The following ASIC2 variants were observed in gnomAD, a reference collection of about 807,000 sequenced individuals.
The protein encoded by ASIC2 is acid sensing ion channel subunit 2.
A neutral mutation model predicts 57.3 loss-of-function variants in ASIC2; 25 were observed. The ratio of observed to expected loss-of-function variants is 0.44; its 90% confidence interval spans 0.32 to 0.61. The LOEUF (loss-of-function observed/expected upper bound fraction) is 0.61. Among genes scored for constraint, ASIC2 ranks in the 20% least tolerant of loss-of-function variants. The pLI, the probability that ASIC2 is intolerant of heterozygous loss-of-function variation, is 0.06. For missense variants in ASIC2, 641 were observed against 738.1 expected, an observed-to-expected ratio of 0.87 and a Z score of 1.52; for synonymous variants, 319 against 307.5, an observed-to-expected ratio of 1.04 and a Z score of -0.39.
intron 1 of ASIC2, chr17:33,688,819 A>T (rs1012142419): frequency 1.3e-5 from 2 of 152,182 alleles, no homozygotes; most frequent in African/African-American, 2.4e-5. Context: ...GAGATTCTGG[A>T]AGTCCCTCTG....
In ASIC2 at chr17:33,193,770, G is replaced by A. The variant is rs190647139; in HGVS notation, c.709-81703C>T. On this transcript the variant is annotated intron_variant, in intron 1 of 9. Coordinates refer to ENST00000225823, the MANE Select transcript of ASIC2 (RefSeq NM_183377.2). Reference sequence around the variant, plus strand: ...AATTCCGACAAGCTCCAGGGTGGTCGCTGATGTTACTGATCTAGGACCACA... The same window carrying A: ...AATTCCGACAAGCTCCAGGGTGGTCACTGATGTTACTGATCTAGGACCACA... Among the ~76,000 whole-genome samples, 529 of 152,240 alleles carry A rather than the reference G, an allele frequency of 3.5e-3. 5 individuals carry two copies. The highest frequency in any genetic ancestry group is 0.012 in the African/African-American group (495 of 41,544).
chr17:34,076,009 TA>T (rs200538697), intron 1 of ASIC2, among the ~76,000 whole-genome samples: 147 of 151,266 alleles, frequency 9.7e-4, no homozygotes, highest in African/African-American at 3.4e-3. Context: ...TTTTTATTTT[TA>T]TTTTTTTTTT....
Position 33,475,548 on chromosome 17 carries a change from T to A in ASIC2, c.556-363481A>T, listed in dbSNP as rs535496922. Among the ~76,000 whole-genome samples the A allele has an allele frequency of 2.7e-4, 41 of 152,254 alleles. 1 individual carries two copies. Among genetic ancestry groups the A allele is most frequent in the Admixed American group, 6.5e-4 (10 of 15,286 alleles). On this transcript the variant is annotated intron_variant, in intron 1 of 9. Transcript: ENST00000359872. ...TTGTTTTGGCTTTGTTGGTTGGACA[T>A]AGTCTTAGGACTTTTTATTGACTTC...
At chr17:34,061,030 C>T (rs1431035590) in intron 1 of ASIC2, among the ~76,000 whole-genome samples, 1 of 152,118 alleles carries the variant, frequency 6.6e-6, no homozygotes, top group Non-Finnish European at 1.5e-5. Context: ...AAGATCTTCG[C>T]CTAGGCACAT....
intron 1 of ASIC2, among the ~76,000 whole-genome samples, chr17:33,891,771 G>T (rs12937158): frequency 6.6e-6 from 1 of 151,992 alleles, no homozygotes; most frequent in African/African-American, 2.4e-5. Flanking sequence ...ATTTATTTTA[G>T]TGAGCTATGA....
At chr17:33,897,473 A>T (rs555324136) in intron 1 of ASIC2, among the ~76,000 whole-genome samples, 1 of 152,366 alleles carries the variant, frequency 6.6e-6, no homozygotes, top group East Asian at 1.9e-4. Context: ...ATATGGTGGT[A>T]TACAACAAAT....
At chr17:33,126,420 G>A (rs557913713) in intron 1 of ASIC2, among the ~76,000 whole-genome samples, 4 of 152,242 alleles carry the variant, frequency 2.6e-5, no homozygotes, top group East Asian at 1.9e-4. Flanking sequence ...TTCATGTGTC[G>A]AATGGCCTGG....
chr17:33,347,596 TG>T (rs1449047978), intron 1 of ASIC2, among the ~76,000 whole-genome samples: 2 of 152,090 alleles, frequency 1.3e-5, no homozygotes, highest in Non-Finnish European at 2.9e-5. Flanking sequence ...AGAAGGGTCC[TG>T]GGGGTGAGAT....
intron 1 of ASIC2, among the ~76,000 whole-genome samples, chr17:34,081,842 A>AT (rs1909896348): frequency 1.3e-5 from 2 of 152,256 alleles, no homozygotes; most frequent in Non-Finnish European, 2.9e-5. Context: ...TAAATTGGAG[A>AT]TAATAGTTTC....
intron 1 of ASIC2, among the ~76,000 whole-genome samples, chr17:33,348,901 C>A (rs1908055049): frequency 6.6e-6 from 1 of 152,174 alleles, no homozygotes; most frequent in Admixed American, 6.5e-5. Context: ...ATAAGCAAAG[C>A]AGGCTGGGCC....
intron 1 of ASIC2, among the ~76,000 whole-genome samples, chr17:33,412,060 AC>A (rs1029531104): frequency 3.2e-5 from 4 of 125,798 alleles, no homozygotes; most frequent in East Asian, 4.1e-4. Context: ...CCAAAAACAC[AC>A]AAAAAACAAA....
At chr17:33,111,021 T>A (rs922159162) in intron 2 of ASIC2, among the ~76,000 whole-genome samples, 1 of 152,188 alleles carries the variant, frequency 6.6e-6, no homozygotes, top group Admixed American at 6.5e-5. Context: ...CTTTACCTTC[T>A]CTTCCTGGTG....
chr17:34,007,157 G>A (rs1039692797), intron 1 of ASIC2, among the ~76,000 whole-genome samples: 7 of 152,202 alleles, frequency 4.6e-5, no homozygotes, highest in African/African-American at 1.4e-4. Context: ...AGATTCTGAA[G>A]TGACAGGAGA....
intron 3 of ASIC2, among the ~76,000 whole-genome samples, chr17:33,030,226 A>G (rs1233904809): frequency 6.6e-6 from 1 of 152,168 alleles, no homozygotes; most frequent in Admixed American, 6.5e-5. Flanking sequence ...CCCTAATCAG[A>G]TATAGAACAT....
intron 1 of ASIC2, among the ~76,000 whole-genome samples, chr17:33,797,672 A>G (rs1911959205): frequency 1.3e-5 from 2 of 152,200 alleles, no homozygotes; most frequent in Middle Eastern, 3.2e-3. Flanking sequence ...TGCTGCTCAG[A>G]GTGCCTGACC....
At chr17:33,363,761 G>C (rs1448022077) in intron 1 of ASIC2, among the ~76,000 whole-genome samples, 2 of 152,186 alleles carry the variant, frequency 1.3e-5, no homozygotes, top group African/African-American at 2.4e-5. Flanking sequence ...ACTCTCTAAG[G>C]TGATCTATGG....
chr17:33,623,951 TTGCC>T (rs1388296308), intron 1 of ASIC2: 1 of 152,218 alleles, frequency 6.6e-6, no homozygotes, highest in Non-Finnish European at 1.5e-5. Flanking sequence ...TTCTGCTTCC[TTGCC>T]TGCCAGTCTG....
At chr17:33,171,524 C>T (rs1329978668) in intron 1 of ASIC2, among the ~76,000 whole-genome samples, 2 of 152,202 alleles carry the variant, frequency 1.3e-5, no homozygotes, top group Non-Finnish European at 2.9e-5. Flanking sequence ...CTCAATTCCA[C>T]CTGCTTTTCT....
chr17:33,381,431 C>T (rs1299210113), intron 1 of ASIC2, among the ~76,000 whole-genome samples: 2 of 152,240 alleles, frequency 1.3e-5, no homozygotes, highest in African/African-American at 2.4e-5. Flanking sequence ...CCAGCCCAGC[C>T]GCAGGCTTCC....
Sources: allele counts gnomAD v4.1 joint callset (sites outside exome capture counted in the v4.1 genomes callset), GRCh38; gene constraint gnomAD v4.1.1; transcripts MANE v1.5; gene names NCBI Gene and HGNC (gene_info 2026-07-23, HGNC 2026-07-21).